JAK2: variants seen among roughly 807,000 people sequenced by gnomAD.
JAK2 encodes the protein Janus kinase 2.
A neutral mutation model predicts 139.3 loss-of-function variants in JAK2; 86 were observed. The observed-to-expected ratio is 0.62, with a 90% CI of 0.52 to 0.74. The LOEUF (loss-of-function observed/expected upper bound fraction) is 0.74. Ranked by LOEUF, JAK2 falls within the 30% of genes least tolerant of loss-of-function variation. The pLI, the probability that JAK2 is intolerant of heterozygous loss-of-function variation, is 0.00. For synonymous variants in JAK2, 490 were observed against 437.7 expected (o/e 1.12, Z -1.49); for missense variants, 1,421 against 1,360.3 (o/e 1.04, Z -0.70).
intron 2 of JAK2, among the ~76,000 whole-genome samples, chr9:5,014,164 CTT>C (rs200845162): frequency 1.0e-4 from 12 of 117,530 alleles, no homozygotes; most frequent in African/African-American, 2.8e-4. Flanking sequence ...TTTACTCTTT[CTT>C]TTTTTTTTTT....
At chr9:5,101,207 A>C (rs1239464454) in intron 22 of JAK2, among the ~76,000 whole-genome samples, 1 of 152,232 alleles carries the variant, frequency 6.6e-6, no homozygotes, top group African/African-American at 2.4e-5. Flanking sequence ...CAGTCTTACC[A>C]AATGGCACAC....
chr9:5,111,161 C>A, intron 22 of JAK2: 4 of 790,166 alleles, frequency 5.1e-6, no homozygotes, highest in Non-Finnish European at 8.3e-6. Context: ...CTTGCTGAGT[C>A]GCACGGCAGC....
chr9:5,070,037 T>C lies in JAK2; in HGVS notation c.1626T>C (p.Asn542=). Residue 542 remains asparagine, a synonymous_variant, in exon 12 of 25, where the codon AAT becomes AAC. Transcript: ENST00000381652. ...AAATGGTGTTTCACAAAATCAGAAA[T>C]GAAGATTTGATATTTGTAAGTCATT... ...MNQMVFHKIR[N]EDLIFNESLG... is the part of the protein sequence containing the mutation. 2 of 1,604,786 alleles carry C rather than the reference T, an allele frequency of 1.2e-6. No homozygotes were observed. The highest frequency in any genetic ancestry group is 1.7e-6 in the Non-Finnish European group (2 of 1,174,570).
In JAK2 at chr9:5,021,954, C is replaced by A; in HGVS notation, c.-25-9C>A. 6.6e-7 allele frequency: 1 copy of A among 1,515,680 alleles called. No individual in the cohort carries two copies. Among genetic ancestry groups the A allele is most frequent in the Non-Finnish European group, 9.2e-7 (1 of 1,092,682 alleles). The allele number at this position is 1,515,680 out of a possible 1,614,324, so 93.9% of individuals were successfully genotyped here. The stretch of plus-strand genomic sequence containing the variant: ...AGCCCATTTGTAACTTTATTGTTTT[C>A]TCTTACAGGCAAATGTTCTGAAAAA... On this transcript the variant is annotated splice_polypyrimidine_tract_variant and intron_variant, in intron 2 of 24. Coordinates refer to ENST00000381652, the MANE Select transcript of JAK2 (RefSeq NM_004972.4).
intron 22 of JAK2, among the ~76,000 whole-genome samples, chr9:5,119,133 A>C (rs1288155899): frequency 6.6e-6 from 1 of 152,182 alleles, no homozygotes; most frequent in Admixed American, 6.5e-5. Flanking sequence ...GGTTGAGTAG[A>C]TTTTGTGAAG....
chr9:5,038,306 T>C (rs1278336240), intron 4 of JAK2, among the ~76,000 whole-genome samples: 1 of 152,174 alleles, frequency 6.6e-6, no homozygotes, highest in African/African-American at 2.4e-5. Context: ...TAGCAATTTT[T>C]ATAAAAGCCC....
Position 5,044,529 on chromosome 9 carries a change from ATATTATCT to A in JAK2, c.468+12_468+19del. On this transcript the variant is annotated intron_variant, in intron 5 of 24. Coordinates refer to ENST00000381652, the MANE Select transcript of JAK2 (RefSeq NM_004972.4). The stretch of plus-strand genomic sequence containing the variant: ...CTTACCTCTTTGCTCAGGTATGATT[ATATTATCT>A]TACTTGTACATGAGTTAAATGATAA... 6.9e-7 allele frequency: 1 copy of A among 1,450,264 alleles called. No individual in the cohort carries two copies. Among genetic ancestry groups the A allele is most frequent in the Non-Finnish European group, 9.6e-7 (1 of 1,046,670 alleles). 89.8% of individuals were successfully genotyped at this position (1,450,264 alleles called of 1,614,324 possible). A position where few individuals can be genotyped will look rare whatever the true frequency, so the allele number is the denominator to read the frequency against.
intron 14 of JAK2, among the ~76,000 whole-genome samples, chr9:5,075,189 C>A (rs1410952492): frequency 6.6e-6 from 1 of 151,966 alleles, no homozygotes; most frequent in Non-Finnish European, 1.5e-5. Context: ...ATGTGCACAG[C>A]ATAAGTGCAA....
intron 2 of JAK2, among the ~76,000 whole-genome samples, chr9:4,994,800 A>G (rs912472244): frequency 2.0e-5 from 3 of 150,978 alleles, no homozygotes; most frequent in Admixed American, 6.6e-5. Context: ...CCCATTTTTC[A>G]CTCCCCTTTG....
intron 12 of JAK2, among the ~76,000 whole-genome samples, chr9:5,070,484 T>G (rs2130533031): frequency 6.6e-6 from 1 of 152,234 alleles, no homozygotes; most frequent in Non-Finnish European, 1.5e-5. Context: ...GATACTTAAG[T>G]GGAACCTGTG....
chr9:5,067,148 C>T (rs1818626055), intron 10 of JAK2, among the ~76,000 whole-genome samples: 1 of 152,066 alleles, frequency 6.6e-6, no homozygotes, highest in Non-Finnish European at 1.5e-5. Flanking sequence ...AAATCGGAAG[C>T]AAATTTTCTG....
At chr9:5,015,458 A>T (rs1821981503) in intron 2 of JAK2, among the ~76,000 whole-genome samples, 1 of 149,754 alleles carries the variant, frequency 6.7e-6, no homozygotes, top group Non-Finnish European at 1.5e-5. Context: ...TAGTGAGTTA[A>T]ACGGCTGGCA....
intron 4 of JAK2, among the ~76,000 whole-genome samples, chr9:5,039,215 T>C (rs1263688449): frequency 6.6e-6 from 1 of 152,042 alleles, no homozygotes; most frequent in Non-Finnish European, 1.5e-5. Context: ...AGAAGTAAAA[T>C]TGTAGTCATC....
chr9:5,029,836 A>G lies in JAK2; in HGVS notation c.280A>G (p.Ile94Val). The G allele has an allele frequency of 6.2e-7, 1 of 1,611,284 alleles. No individual in the cohort carries two copies. Among genetic ancestry groups the G allele is most frequent in the Non-Finnish European group, 8.5e-7 (1 of 1,177,684 alleles). Residue 94 changes from isoleucine (I) to valine (V), a missense_variant, in exon 4 of 25, where the codon ATC becomes GTC. By Grantham distance (29) the Ile-to-Val change is conservative (BLOSUM62 3). Coordinates refer to ENST00000381652, the MANE Select transcript of JAK2 (RefSeq NM_004972.4). ...MFALMSETER[I>V]WYPPNHVFHI... ...TGCTTTAATGAGTGAAACAGAAAGG[A>G]TCTGGTATCCACCCAACCATGTCTT...
At chr9:5,033,596 A>T (rs1374389194) in intron 4 of JAK2, among the ~76,000 whole-genome samples, 3 of 152,220 alleles carry the variant, frequency 2.0e-5, no homozygotes, top group African/African-American at 7.2e-5. Flanking sequence ...CAACATTCTT[A>T]AAGAAAAGAA....
chr9:5,024,217 C>G (rs912451789), intron 3 of JAK2, among the ~76,000 whole-genome samples: 30 of 152,234 alleles, frequency 2.0e-4, no homozygotes, highest in African/African-American at 7.0e-4. Flanking sequence ...GATTGCGCCA[C>G]TGCACTCCAG....
intron 16 of JAK2, among the ~76,000 whole-genome samples, chr9:5,078,743 C>T (rs974264511): frequency 1.3e-5 from 2 of 151,976 alleles, no homozygotes; most frequent in Admixed American, 1.3e-4. Context: ...TTCCTTGAGC[C>T]ACAAGTAAAT....
chr9:5,051,576 A>G (rs1817418174), intron 6 of JAK2, among the ~76,000 whole-genome samples: 1 of 152,176 alleles, frequency 6.6e-6, no homozygotes, highest in Admixed American at 6.5e-5. Context: ...GCATTCTTCA[A>G]ATTATTCTTC....
At chr9:5,019,764 T>G in intron 2 of JAK2, among the ~76,000 whole-genome samples, 1 of 152,216 alleles carries the variant, frequency 6.6e-6, no homozygotes, top group Non-Finnish European at 1.5e-5. Context: ...TCTGGGTGCA[T>G]GCAGTAGTGT....
Sources: allele counts gnomAD v4.1 joint callset (sites outside exome capture counted in the v4.1 genomes callset), GRCh38; gene constraint gnomAD v4.1.1; transcripts MANE v1.5; gene names NCBI Gene and HGNC (gene_info 2026-07-23, HGNC 2026-07-21).